BMPER: variants seen among roughly 807,000 people sequenced by gnomAD.
BMPER encodes BMP binding endothelial regulator.
BMPER carries 45 observed loss-of-function variants against 87.3 expected under a neutral mutation model. The ratio of observed to expected loss-of-function variants is 0.52; its 90% confidence interval spans 0.41 to 0.66. The LOEUF (loss-of-function observed/expected upper bound fraction) is 0.66, where lower values mean the gene tolerates loss of function less well. Ranked by LOEUF, BMPER falls within the 30% of genes least tolerant of loss-of-function variation. The pLI is 0.00. For missense variants in BMPER, 784 were observed against 867.5 expected (o/e 0.90, Z 1.21); for synonymous variants, 326 against 316.2 (o/e 1.03, Z -0.33).
intron 5 of BMPER, among the ~76,000 whole-genome samples, chr7:33,971,785 A>T (rs889860279): frequency 6.6e-6 from 1 of 152,242 alleles, no homozygotes. Flanking sequence ...TAATTTCTGT[A>T]CACAGCCAAC....
chr7:33,973,145 C>T (rs999951860), intron 5 of BMPER, among the ~76,000 whole-genome samples: 7 of 152,190 alleles, frequency 4.6e-5, no homozygotes, highest in African/African-American at 1.4e-4. Flanking sequence ...AAACAGTTTG[C>T]ATAGAATTTT....
rs192218320 is a variant in BMPER at position 33,929,455 on chromosome 7, G to A, written c.220-7834G>A. Reference sequence around the variant, plus strand: ...AGTTTTTAAGTCAGAGATTTAATCTGTCTTTCCTAAAAGGCATTATTTTTA... The same window carrying A: ...AGTTTTTAAGTCAGAGATTTAATCTATCTTTCCTAAAAGGCATTATTTTTA... On this transcript the variant is annotated intron_variant, in intron 2 of 14. Coordinates refer to ENST00000649409, the MANE Select transcript of BMPER (RefSeq NM_001365308.1). Among the ~76,000 whole-genome samples, 1,223 of 152,280 alleles carry A rather than the reference G, an allele frequency of 8.0e-3. 7 individuals carry two copies. Among genetic ancestry groups the A allele is most frequent in the Non-Finnish European group, 0.013 (912 of 68,030 alleles).
At chr7:34,023,678 G>A (rs959313356) in intron 6 of BMPER, among the ~76,000 whole-genome samples, 2 of 152,098 alleles carry the variant, frequency 1.3e-5, no homozygotes, top group Non-Finnish European at 2.9e-5. Flanking sequence ...TAAAGAGAAA[G>A]TACAGGAGTT....
chr7:34,080,141 G>A (rs907813312), intron 12 of BMPER, among the ~76,000 whole-genome samples: 33 of 152,150 alleles, frequency 2.2e-4, no homozygotes, highest in African/African-American at 8.0e-4. Context: ...AAGGAAATCA[G>A]TGTATTTCTT....
At chr7:34,000,823 G>T (rs779161147) in intron 6 of BMPER, among the ~76,000 whole-genome samples, 8 of 152,124 alleles carry the variant, frequency 5.3e-5, no homozygotes, top group Non-Finnish European at 8.8e-5. Context: ...GCTAGTTGTG[G>T]ATTTTTTTGT....
chr7:34,150,252 T>C (rs1272660465), intron 14 of BMPER, among the ~76,000 whole-genome samples: 1 of 152,192 alleles, frequency 6.6e-6, no homozygotes, highest in Non-Finnish European at 1.5e-5. Context: ...AATGAGTCTC[T>C]GAGTGACTGA....
At chr7:34,098,922 G>A (rs954294851) in intron 13 of BMPER, among the ~76,000 whole-genome samples, 2 of 152,160 alleles carry the variant, frequency 1.3e-5, no homozygotes, top group African/African-American at 4.8e-5. Flanking sequence ...AAAACAGAGG[G>A]CTATATTGCT....
intron 2 of BMPER, among the ~76,000 whole-genome samples, chr7:33,915,463 AT>A (rs908708581): frequency 3.9e-5 from 6 of 152,182 alleles, no homozygotes; most frequent in African/African-American, 1.4e-4. Context: ...TTTAAAGCCC[AT>A]TTTGTCAGTG....
chr7:34,078,963 C>T lies in BMPER; in HGVS notation c.1185C>T (p.Ser395=). The change falls in exon 12 of 15, where the codon TCC becomes TCT. Residue 395 remains serine (S), a synonymous_variant. Coordinates refer to ENST00000649409, the MANE Select transcript of BMPER (RefSeq NM_001365308.1). ...AGTACGTTTTGACAAAAGACTGCTC[C>T]TCCCCTGCCTCGCCCTTCCAGGTGC... The part of the protein sequence containing the change: ...TCQYVLTKDC[S]SPASPFQVLV... The T allele has an allele frequency of 6.2e-7, 1 of 1,614,228 alleles. No homozygotes were observed. The highest frequency in any genetic ancestry group is 8.5e-7 in the Non-Finnish European group (1 of 1,180,038).
intron 13 of BMPER, among the ~76,000 whole-genome samples, chr7:34,139,197 C>T (rs1368048980): frequency 6.6e-6 from 1 of 152,122 alleles, no homozygotes; most frequent in Non-Finnish European, 1.5e-5. Context: ...AAAATTATTC[C>T]ATTATCTATT....
intron 6 of BMPER, among the ~76,000 whole-genome samples, 183 bp downstream of exon 6, chr7:33,974,967 G>T (rs1562663078): frequency 6.6e-6 from 1 of 152,170 alleles, no homozygotes; most frequent in Non-Finnish European, 1.5e-5. Context: ...GACATTCTGG[G>T]CTGGGAAATT....
chr7:33,970,081 G>C (rs1357496495), intron 4 of BMPER, among the ~76,000 whole-genome samples: 1 of 152,208 alleles, frequency 6.6e-6, no homozygotes, highest in Non-Finnish European at 1.5e-5. Flanking sequence ...AAGGAAGCAA[G>C]AAATTAGGGC....
intron 2 of BMPER, 88 bp from the exon 3 acceptor site, chr7:33,937,200 TG>T (rs1270999383): frequency 1.5e-6 from 2 of 1,374,244 alleles, no homozygotes; most frequent in African/African-American, 1.4e-5. Flanking sequence ...CAGATAAGAG[TG>T]GGGCTCGGGA....
At chr7:34,071,494 C>T (rs991597692) in intron 11 of BMPER, among the ~76,000 whole-genome samples, 1 of 152,192 alleles carries the variant, frequency 6.6e-6, no homozygotes, top group Admixed American at 6.5e-5. Flanking sequence ...GACTGCCAAG[C>T]TCCAAGGAGG....
intron 11 of BMPER, among the ~76,000 whole-genome samples, chr7:34,065,411 G>A (rs74832606): frequency 0.018 from 2,812 of 152,256 alleles, 34 homozygotes; most frequent in Non-Finnish European, 0.029. Flanking sequence ...TCCCCTGCAA[G>A]GTTGTGACAA....
intron 13 of BMPER, among the ~76,000 whole-genome samples, chr7:34,123,739 A>G (rs1445965905): frequency 2.6e-5 from 4 of 152,184 alleles, no homozygotes; most frequent in African/African-American, 9.7e-5. Context: ...ACACATTTAG[A>G]TTCTCCTAAA....
intron 13 of BMPER, among the ~76,000 whole-genome samples, chr7:34,138,731 C>G (rs1173802513): frequency 6.6e-6 from 1 of 152,216 alleles, no homozygotes; most frequent in Admixed American, 6.5e-5. Flanking sequence ...GGCAGGCACT[C>G]TTCACCTGCA....
intron 3 of BMPER, among the ~76,000 whole-genome samples, chr7:33,943,636 A>G (rs1784817083): frequency 6.6e-6 from 1 of 152,212 alleles, no homozygotes; most frequent in Non-Finnish European, 1.5e-5. Context: ...TGGCTCCAAA[A>G]AAGACAAGGC....
At chr7:34,081,890 G>C (rs554926949) in intron 12 of BMPER, among the ~76,000 whole-genome samples, 1 of 151,938 alleles carries the variant, frequency 6.6e-6, no homozygotes, top group Non-Finnish European at 1.5e-5. Flanking sequence ...CTTTTTGCAC[G>C]TTCTCTCTCA....
Sources: allele counts gnomAD v4.1 joint callset (sites outside exome capture counted in the v4.1 genomes callset), GRCh38; gene constraint gnomAD v4.1.1; transcripts MANE v1.5; gene names NCBI Gene and HGNC (gene_info 2026-07-23, HGNC 2026-07-21).